Variants in SH2D6 observed in about 807,000 individuals in gnomAD.
SH2D6 encodes SH2 domain containing 6, also known as SH2 domain-containing protein 6.
In SH2D6, 31 loss-of-function variants were observed where a neutral mutation model predicts 30.2. The ratio of observed to expected loss-of-function variants is 1.03; its 90% CI spans 0.77 to 1.38. The LOEUF (loss-of-function observed/expected upper bound fraction) is 1.38. SH2D6 is among the 40% of genes most tolerant of loss of function. The pLI, the probability that SH2D6 is intolerant of heterozygous loss-of-function variation, is 0.00. For missense variants in SH2D6, 240 were observed against 266.8 expected (o/e 0.90, Z 0.70); for synonymous variants, 93 against 104.6 (o/e 0.89, Z 0.68).
In SH2D6 at chr2:85,434,068, C is replaced by G. The variant is rs1689093848; in HGVS notation, c.490C>G (p.Leu164Val). Residue 164 changes from leucine to valine, a missense_variant, in exon 17 of 24, where the codon CTG (leucine) becomes GTG (valine). By Grantham distance (32) the Leu-to-Val change is conservative. Transcript: ENST00000469800. ...GACTCAGACTCTCAGCTTCCAAGTC[C>G]TGATGCCCTCAGGCCCTCTGCCCAG... is the stretch of plus-strand genomic sequence containing the variant. ...ALTQTLSFQV[L>V]MPSGPLPRTS... 1 of 1,550,510 alleles carries G rather than the reference C, an allele frequency of 6.4e-7. No individual in the cohort carries two copies. The highest frequency in any genetic ancestry group is 1.4e-5 in the African/African-American group (1 of 73,066).
In SH2D6 at chr2:85,434,477, C is replaced by T. The variant is rs1384282433; in HGVS notation, c.569C>T (p.Thr190Ile). ...TTAPQETRNGTADAASKEGRK... is the reference protein window; with the variant it reads ...TTAPQETRNGIADAASKEGRK... Reference sequence around the variant, plus strand: ...ATCAGACCTCCTGTATGCCAGGGAACAGCAGATGCTGCCTCTAAAGGTGAG... The same window carrying T: ...ATCAGACCTCCTGTATGCCAGGGAATAGCAGATGCTGCCTCTAAAGGTGAG... The change falls in exon 19 of 24, where the codon ACA (threonine) becomes ATA (isoleucine). Residue 190 changes from threonine to isoleucine, a missense_variant. Physicochemically the swap from Thr to Ile is moderately conservative, Grantham distance 89 (BLOSUM62 -1). Transcript: ENST00000469800. 1 of 1,550,370 alleles carries T rather than the reference C, an allele frequency of 6.5e-7. No individual in the cohort carries two copies. Among genetic ancestry groups the T allele is most frequent in the Non-Finnish European group, 8.7e-7 (1 of 1,146,990 alleles).
intron 19 of SH2D6, 150 bp from the exon 20 acceptor site, chr2:85,434,915 A>G (rs369101533): frequency 5.0e-6 from 8 of 1,595,238 alleles, no homozygotes; most frequent in Non-Finnish European, 6.8e-6. Flanking sequence ...GGATCTGGAG[A>G]GTGGAGGAAG....
chr2:85,433,194 C>T, intron 15 of SH2D6, 73 bp downstream of exon 15: 1 of 880,026 alleles, frequency 1.1e-6, no homozygotes, highest in Non-Finnish European at 1.4e-6. Flanking sequence ...GGGGTGGGGC[C>T]TAGGGAGGGC....
At chr2:85,432,550 G>A (rs1187675378) in intron 14 of SH2D6, among the ~76,000 whole-genome samples, 8 of 151,818 alleles carry the variant, frequency 5.3e-5, no homozygotes, top group South Asian at 4.2e-4. Context: ...ACAGGCGCCC[G>A]CTACCACGCC....
Position 85,434,131 on chromosome 2 carries a change from T to C in SH2D6, c.533+20T>C, listed in dbSNP as rs1409701261. 3 of 1,548,966 alleles carry C rather than the reference T, an allele frequency of 1.9e-6. No homozygotes were observed. In the South Asian group the frequency reaches 3.6e-5, roughly 18 times the overall value. ...GCCCAGGTAAGTGCCCCACCAGGTGTGCACCTGTGTGTATGTATGTGAGAC... is the reference window on the plus strand; with the variant it reads ...GCCCAGGTAAGTGCCCCACCAGGTGCGCACCTGTGTGTATGTATGTGAGAC... On this transcript the variant is annotated intron_variant, in intron 17 of 23. Coordinates refer to ENST00000469800, the MANE Select transcript of SH2D6 (RefSeq NM_001394463.1).
At chr2:85,431,539 G>A (rs528829041) in intron 13 of SH2D6, among the ~76,000 whole-genome samples, 2 of 152,200 alleles carry the variant, frequency 1.3e-5, no homozygotes, top group African/African-American at 4.8e-5. Flanking sequence ...GAGGGGAGGG[G>A]CTCAGCTGCC....
intron 21 of SH2D6, 74 bp from the exon 22 acceptor site, chr2:85,435,592 C>G: frequency 6.3e-7 from 1 of 1,581,394 alleles, no homozygotes; most frequent in Non-Finnish European, 8.6e-7. Context: ...CAGGAGGGTT[C>G]TGGCCCCATC....
chr2:85,420,312 G>T (rs748585355), intron 2 of SH2D6, among the ~76,000 whole-genome samples: 1 of 152,248 alleles, frequency 6.6e-6, no homozygotes, highest in Middle Eastern at 3.4e-3. Context: ...TAGAGACGGG[G>T]TTTCACCATG....
chr2:85,426,565 G>T (rs1688068128), intron 6 of SH2D6, among the ~76,000 whole-genome samples: 1 of 152,212 alleles, frequency 6.6e-6, no homozygotes, highest in African/African-American at 2.4e-5. Context: ...AAGAGGCCTG[G>T]TTCAGAGAGC....
chr2:85,433,777 A>T, intron 16 of SH2D6, 146 bp downstream of exon 16: 1 of 715,444 alleles, frequency 1.4e-6, no homozygotes, highest in Non-Finnish European at 2.1e-6. Flanking sequence ...CACCGCATGG[A>T]CATCACACTC....
Position 85,435,682 on chromosome 2 carries a change from T to A in SH2D6, c.749T>A (p.Val250Glu). The A allele has an allele frequency of 6.2e-7, 1 of 1,610,050 alleles. No homozygotes were observed. Among genetic ancestry groups the A allele is most frequent in the East Asian group, 2.2e-5 (1 of 44,870 alleles). The stretch of plus-strand genomic sequence containing the variant: ...CCTCCACAGGATGGGGCCTATACCG[T>A]GCGCCCCAGCTCAGGGCCTCATGGC... ...LHLQKDGAYT[V>E]RPSSGPHGSQ... The change falls in exon 22 of 24, where the codon GTG (valine) becomes GAG (glutamate). Residue 250 changes from valine to glutamate, a missense_variant. Val to Glu is a moderately radical substitution (Grantham distance 121, BLOSUM62 -2). Coordinates refer to ENST00000469800, the MANE Select transcript of SH2D6 (RefSeq NM_001394463.1).
rs139598857 is a variant in SH2D6, at chr2:85,436,261, C to T, written c.892-205C>T. 4.1e-4 allele frequency among the ~76,000 whole-genome samples: 63 copies of T among 152,312 alleles called. 1 individual carries two copies. The highest frequency in any genetic ancestry group is 1.4e-3 in the African/African-American group (57 of 41,562). On this transcript the variant is annotated intron_variant, in intron 22 of 23. Transcript: ENST00000469800. ...TTGGACATAAGAGTCTGGCCAGTGGCGTGCCCATGGGTGCAGCAGCAGGAA... is the reference window on the plus strand; with the variant it reads ...TTGGACATAAGAGTCTGGCCAGTGGTGTGCCCATGGGTGCAGCAGCAGGAA...
At chr2:85,426,442 C>T (rs1056124842) in intron 6 of SH2D6, among the ~76,000 whole-genome samples, 2 of 152,112 alleles carry the variant, frequency 1.3e-5, no homozygotes, top group East Asian at 1.9e-4. Flanking sequence ...CGCCTAAGGC[C>T]GTACTCTAAT....
chr2:85,419,921 T>G (rs1250661713), intron 2 of SH2D6, among the ~76,000 whole-genome samples: 1 of 152,194 alleles, frequency 6.6e-6, no homozygotes, highest in Non-Finnish European at 1.5e-5. Flanking sequence ...TAAGCATGCC[T>G]ATTTCTGCCT....
At chr2:85,420,358 G>C (rs770298184) in intron 2 of SH2D6, among the ~76,000 whole-genome samples, 6 of 152,212 alleles carry the variant, frequency 3.9e-5, no homozygotes, top group Non-Finnish European at 2.9e-5. Flanking sequence ...GACCTCAGGT[G>C]ATCAGCCCAC....
chr2:85,433,880 C>T (rs1689068289), intron 16 of SH2D6, among the ~76,000 whole-genome samples, 153 bp from the exon 17 acceptor site: 1 of 152,238 alleles, frequency 6.6e-6, no homozygotes, highest in Non-Finnish European at 1.5e-5. Context: ...CTGCTGCGGC[C>T]AGGACAGCAT....
chr2:85,435,394 T>G lies in SH2D6; in HGVS notation c.649-19T>G. 1 of 1,611,418 alleles carries G rather than the reference T, an allele frequency of 6.2e-7. No individual in the cohort carries two copies. Among genetic ancestry groups the G allele is most frequent in the Non-Finnish European group, 8.5e-7 (1 of 1,178,972 alleles). On this transcript the variant is annotated intron_variant, in intron 20 of 23. Transcript: ENST00000469800. Reference sequence around the variant, plus strand: ...TTGAGTGCCCTGGCATGTTTCTGAGTGACTGTGTGTATGCACAGGACAGTG... The same window carrying G: ...TTGAGTGCCCTGGCATGTTTCTGAGGGACTGTGTGTATGCACAGGACAGTG...
At chr2:85,424,809 T>G (rs1423628833) in intron 5 of SH2D6, among the ~76,000 whole-genome samples, 2 of 151,560 alleles carry the variant, frequency 1.3e-5, no homozygotes, top group African/African-American at 4.9e-5. Context: ...GGCTTACGCC[T>G]GTAATCCCAG....
At chr2:85,423,924 C>G (rs75753309) in intron 5 of SH2D6, among the ~76,000 whole-genome samples, 1 of 152,214 alleles carries the variant, frequency 6.6e-6, no homozygotes, top group Non-Finnish European at 1.5e-5. Context: ...CCACCAGGAA[C>G]GTCTTGGGCC....
Sources: allele counts gnomAD v4.1 joint callset (sites outside exome capture counted in the v4.1 genomes callset), GRCh38; gene constraint gnomAD v4.1.1; transcripts MANE v1.5; gene names NCBI Gene and HGNC (gene_info 2026-07-23, HGNC 2026-07-21).